Variants in TULP3 observed in about 807,000 individuals in gnomAD.
TULP3 encodes tubby-related protein 3.
TULP3 carries 38 observed loss-of-function variants against 50.7 expected under a neutral mutation model. The observed-to-expected ratio is 0.75, with a 90% CI of 0.58 to 0.98. The LOEUF (loss-of-function observed/expected upper bound fraction) is 0.98. Ranked by LOEUF, TULP3 falls within the 50% of genes least tolerant of loss-of-function variation. The pLI is 0.00. For synonymous variants in TULP3, 183 were observed against 196.6 expected, an observed-to-expected ratio of 0.93 and a Z score of 0.58; for missense variants, 550 against 568.0, an observed-to-expected ratio of 0.97 and a Z score of 0.32.
chr12:2,902,823 T>C (rs2098179998), intron 1 of TULP3, among the ~76,000 whole-genome samples: 1 of 152,088 alleles, frequency 6.6e-6, no homozygotes, highest in South Asian at 2.1e-4. Context: ...CTAGAAATAC[T>C]GTGTGAGCAT....
chr12:2,907,056 G>A (rs891795356), intron 1 of TULP3, among the ~76,000 whole-genome samples: 13 of 150,930 alleles, frequency 8.6e-5, no homozygotes, highest in Non-Finnish European at 1.5e-4. Flanking sequence ...ACTGATACAC[G>A]GCCAGGTGCA....
rs2153950833 is a variant in TULP3, at chr12:2,940,947, T to G, written c.*1503T>G. 1 of 544,918 alleles carries G rather than the reference T, an allele frequency of 1.8e-6. No individual in the cohort carries two copies. The highest frequency in any genetic ancestry group is 3.1e-5 in the East Asian group (1 of 32,694). The allele number at this position is 544,918 out of a possible 1,614,324, so 33.8% of individuals were successfully genotyped here. ...AACCCTGGTTGGCCACAGAAGCTAT[T>G]AATACACGACAGCATGTGGGGAAGG... is the stretch of plus-strand genomic sequence containing the variant. On this transcript the variant is annotated 3_prime_UTR_variant, in exon 11 of 11. Transcript: ENST00000448120.
chr12:2,922,273 C>T lies in TULP3; in HGVS notation c.265C>T (p.Pro89Ser), dbSNP rs1256023837. Residue 89 changes from proline (P) to serine (S), a missense_variant, in exon 4 of 11, where the codon CCA becomes TCA. Coordinates refer to ENST00000448120, the MANE Select transcript of TULP3 (RefSeq NM_003324.5). Reference sequence around the variant, plus strand: ...ATTTTGGCCCTTAGGTATTGATGGTCCAGCTGCTGTCCTGAAACCAGACGA... The same window carrying T: ...ATTTTGGCCCTTAGGTATTGATGGTTCAGCTGCTGTCCTGAAACCAGACGA... ...SNVILHGIDG[P>S]AAVLKPDEVH... is the part of the protein sequence containing the mutation. The T allele has an allele frequency of 1.2e-6, 2 of 1,612,726 alleles. No individual in the cohort carries two copies. Among genetic ancestry groups the T allele is most frequent in the Non-Finnish European group, 1.7e-6 (2 of 1,179,734 alleles).
intron 9 of TULP3, 50 bp downstream of exon 9, chr12:2,937,779 A>G: frequency 7.3e-7 from 1 of 1,376,924 alleles, no homozygotes; most frequent in Non-Finnish European, 1.0e-6. Flanking sequence ...AGACAGTAGT[A>G]CAATACACAG....
chr12:2,909,591 T>G lies in TULP3; in HGVS notation c.93+11T>G. 1 of 1,582,154 alleles carries G rather than the reference T, an allele frequency of 6.3e-7. No homozygotes were observed. On this transcript the variant is annotated intron_variant, in intron 2 of 10. Transcript: ENST00000448120. The stretch of plus-strand genomic sequence containing the variant: ...AAGCTGGATTATCAGGTGAGCAGAG[T>G]CTCCTCTTTTGAAATAGGTGGCCAA...
intron 2 of TULP3, among the ~76,000 whole-genome samples, chr12:2,911,400 T>A (rs1181869515): frequency 6.6e-6 from 1 of 151,852 alleles, no homozygotes; most frequent in Non-Finnish European, 1.5e-5. Context: ...TCGCCCAGAC[T>A]GGAGTGCAGT....
rs1040209984 is a variant in TULP3 at position 2,909,698 on chromosome 12, C to G, written c.93+118C>G. 7.4e-6 allele frequency: 8 copies of G among 1,082,200 alleles called. No homozygotes were observed. In the East Asian group the frequency reaches 2.1e-4, roughly 28 times the overall value. The allele number at this position is 1,082,200 out of a possible 1,614,324, so 67.0% of individuals were successfully genotyped here. ...AAAGAAGACTGGAAAGGAGAAGGCT[C>G]GGGTGGTTACCTGTGAAGCAGTGTC... is the stretch of plus-strand genomic sequence containing the variant. On this transcript the variant is annotated intron_variant, in intron 2 of 10. Transcript: ENST00000448120.
chr12:2,921,170 C>G (rs1222980117), intron 3 of TULP3, among the ~76,000 whole-genome samples: 2 of 151,878 alleles, frequency 1.3e-5, no homozygotes, highest in African/African-American at 2.4e-5. Flanking sequence ...CGGAGTTTTG[C>G]TTTTGTCGCC....
rs2087874860 is a variant in TULP3 at position 2,890,912 on chromosome 12, A to G, written c.-36A>G. On this transcript the variant is annotated 5_prime_UTR_variant, in exon 1 of 11. Coordinates refer to ENST00000448120, the MANE Select transcript of TULP3 (RefSeq NM_003324.5). ...AGCCACTCTAGCGACGGCGGGGAAG[A>G]GTGTGTACGTGGTGGGGGCTTCCTC... 2 of 1,562,248 alleles carry G rather than the reference A, an allele frequency of 1.3e-6. No individual in the cohort carries two copies. Among genetic ancestry groups the G allele is most frequent in the East Asian group, 4.9e-5 (2 of 41,160 alleles).
chr12:2,899,345 CAAAAAAA>C (rs55818833), intron 1 of TULP3, among the ~76,000 whole-genome samples: 4 of 82,832 alleles, frequency 4.8e-5, no homozygotes, highest in African/African-American at 1.8e-4. Context: ...AACGACGTCT[CAAAAAAA>C]AAAAAAAAAA....
intron 4 of TULP3, among the ~76,000 whole-genome samples, chr12:2,924,562 T>C (rs1012110642): frequency 1.3e-5 from 2 of 151,878 alleles, no homozygotes; most frequent in Admixed American, 1.3e-4. Flanking sequence ...ACACTGGTAG[T>C]CCCAGCTACT....
chr12:2,903,877 G>A (rs898663180), intron 1 of TULP3, among the ~76,000 whole-genome samples: 5 of 151,834 alleles, frequency 3.3e-5, no homozygotes, highest in Admixed American at 6.6e-5. Flanking sequence ...TCCGCCTCCC[G>A]GGTTCAAGCG....
intron 2 of TULP3, among the ~76,000 whole-genome samples, chr12:2,918,390 G>A (rs555083723): frequency 9.0e-4 from 137 of 152,032 alleles, no homozygotes; most frequent in Middle Eastern, 3.4e-3. Context: ...GGGATTACAG[G>A]CGTGAGCCAC....
chr12:2,906,770 G>A (rs2098182531), intron 1 of TULP3, among the ~76,000 whole-genome samples: 1 of 150,808 alleles, frequency 6.6e-6, no homozygotes, highest in Non-Finnish European at 1.5e-5. Context: ...ACAAAAATTA[G>A]CCGGGCGTGG....
rs373807687 is a variant in TULP3, at chr12:2,922,855, A to ATTTTTTT, written c.394+463_394+469dup. 8.2e-4 allele frequency among the ~76,000 whole-genome samples: 112 copies of ATTTTTTT among 136,786 alleles called. 3 individuals are homozygous for ATTTTTTT. Among genetic ancestry groups the ATTTTTTT allele is most frequent in the African/African-American group, 3.0e-3 (110 of 36,194 alleles). The allele number at this position is 136,786 out of a possible 152,430, so 89.7% of individuals were successfully genotyped here. On this transcript the variant is annotated intron_variant, in intron 4 of 10. Transcript: ENST00000448120. Reference sequence around the variant, plus strand: ...GTCTTCTTTCCTTTTTAGAAAAATAATTTTTTTTTTTTTTTTGAGACAAAG... The same window carrying ATTTTTTT: ...GTCTTCTTTCCTTTTTAGAAAAATAATTTTTTTTTTTTTTTTTTTTTTTGAGACAAAG...
chr12:2,897,922 T>C (rs943149746), intron 1 of TULP3, among the ~76,000 whole-genome samples: 1 of 150,934 alleles, frequency 6.6e-6, no homozygotes, highest in Non-Finnish European at 1.5e-5. Flanking sequence ...CTACTAAAAA[T>C]ACAAAATTAG....
intron 2 of TULP3, 74 bp from the exon 3 acceptor site, chr12:2,920,689 A>G: frequency 6.4e-7 from 1 of 1,555,098 alleles, no homozygotes; most frequent in Non-Finnish European, 8.7e-7. Context: ...AGTGAAAAAC[A>G]AACTGGGCAT....
At chr12:2,899,912 AAAAAAAC>A (rs541197924) in intron 1 of TULP3, among the ~76,000 whole-genome samples, 18,763 of 88,510 alleles carry the variant, frequency 0.21, 2,211 homozygotes, top group South Asian at 0.25. Flanking sequence ...ACAAACAAAA[AAAAAAAC>A]AAAAAAAACT....
intron 1 of TULP3, among the ~76,000 whole-genome samples, chr12:2,895,740 A>G (rs1478773745): frequency 2.0e-5 from 3 of 152,124 alleles, no homozygotes; most frequent in Non-Finnish European, 1.5e-5. Context: ...GAAATGTGTC[A>G]TTAGTGGATT....
Sources: gnomAD v4.1 joint callset for allele counts (sites outside exome capture counted in the v4.1 genomes callset) on GRCh38, gnomAD v4.1.1 for gene constraint, MANE v1.5 for transcripts, NCBI Gene and HGNC (gene_info 2026-07-23, HGNC 2026-07-21) for gene names.